Variants in GPHN observed in about 807,000 individuals in gnomAD.
The protein encoded by GPHN is gephyrin.
In GPHN, 17 loss-of-function variants were observed where a neutral mutation model predicts 95.5. The ratio of observed to expected loss-of-function variants is 0.18; its 90% CI spans 0.12 to 0.27. GPHN has a LOEUF of 0.27. Among genes scored for constraint, GPHN ranks in the 10% least tolerant of loss-of-function variants. The pLI, the probability that GPHN is intolerant of heterozygous loss-of-function variation, is 1.00. For missense variants in GPHN, 660 were observed against 978.1 expected (o/e 0.67, Z 4.34); for synonymous variants, 320 against 322.5 (o/e 0.99, Z 0.08).
At chr14:66,999,688 C>T (rs746297300) in intron 9 of GPHN, among the ~76,000 whole-genome samples, 1 of 151,720 alleles carries the variant, frequency 6.6e-6, no homozygotes, top group Non-Finnish European at 1.5e-5. Flanking sequence ...ACGTTTCTAA[C>T]TGATTTTCAA....
intron 9 of GPHN, among the ~76,000 whole-genome samples, chr14:67,007,087 C>T (rs1368423545): frequency 1.3e-5 from 2 of 152,090 alleles, no homozygotes; most frequent in Admixed American, 1.3e-4. Context: ...AATCAGCATC[C>T]TTTATTAGTT....
At chr14:67,642,349 GGGA>G in the GPHN span, 3 of 1,613,836 alleles carry the variant, frequency 1.9e-6, no homozygotes, top group South Asian at 1.1e-5. Flanking sequence ...GTGTCACACT[GGGA>G]GGAGACCACA....
chr14:67,151,015 T>G (rs896842619), intron 18 of GPHN, among the ~76,000 whole-genome samples: 11 of 152,180 alleles, frequency 7.2e-5, no homozygotes, highest in Non-Finnish European at 1.3e-4. Context: ...TATCTAGGAA[T>G]TTTAGAAATA....
the GPHN span, chr14:67,586,317 C>G: frequency 7.7e-7 from 1 of 1,294,324 alleles, no homozygotes; most frequent in Non-Finnish European, 1.1e-6. Flanking sequence ...GGAACTAACT[C>G]TGGCCTAGCT....
chr14:67,398,021 T>C, the GPHN span: 5 of 408,588 alleles, frequency 1.2e-5, no homozygotes, highest in Admixed American at 4.4e-5. Flanking sequence ...TAGTTCCTAT[T>C]TGGCCATTTC....
chr14:67,244,510 G>A, the GPHN span, among the ~76,000 whole-genome samples: 1 of 152,150 alleles, frequency 6.6e-6, no homozygotes, highest in Admixed American at 6.5e-5. Context: ...TACATGAAAT[G>A]AAGTTAACTT....
chr14:66,962,800 C>A (rs1262229534), intron 8 of GPHN, among the ~76,000 whole-genome samples: 3 of 151,644 alleles, frequency 2.0e-5, no homozygotes, highest in Non-Finnish European at 4.4e-5. Flanking sequence ...TTGATACTCA[C>A]CCATCTCGAT....
the GPHN span, among the ~76,000 whole-genome samples, chr14:67,504,954 G>T: frequency 6.6e-6 from 1 of 152,218 alleles, no homozygotes; most frequent in East Asian, 1.9e-4. Flanking sequence ...ATTGTGCATT[G>T]CTGTGTTGCT....
chr14:66,508,364 C>A lies in GPHN; in HGVS notation c.-164C>A. 2.8e-6 allele frequency: 2 copies of A among 705,650 alleles called. No homozygotes were observed. The highest frequency in any genetic ancestry group is 5.1e-6 in the Non-Finnish European group (2 of 394,372). 43.7% of individuals were successfully genotyped at this position (705,650 alleles called of 1,614,324 possible). ...CTCCCGGCGCGGCCTCTCCCCCACG[C>A]AGGCCACCGTGCACTCTGTGGCCTC... On this transcript the variant is annotated 5_prime_UTR_variant, in exon 1 of 23. Transcript: ENST00000478722.
chr14:67,190,700 G>A, the GPHN span, among the ~76,000 whole-genome samples: 3 of 152,172 alleles, frequency 2.0e-5, no homozygotes, highest in Non-Finnish European at 2.9e-5. Flanking sequence ...TGGGCATGGG[G>A]ATATCATTTT....
intron 3 of GPHN, among the ~76,000 whole-genome samples, chr14:66,781,148 A>G (rs762441687): frequency 3.3e-5 from 5 of 152,138 alleles, no homozygotes; most frequent in Non-Finnish European, 7.4e-5. Flanking sequence ...TTAGCCACAT[A>G]AAGAGTGAAT....
chr14:66,546,780 G>C (rs1279625793), intron 1 of GPHN, among the ~76,000 whole-genome samples: 1 of 140,642 alleles, frequency 7.1e-6, no homozygotes, highest in East Asian at 2.4e-4. Flanking sequence ...GGGAGAGGGA[G>C]ACCGTGGGGA....
At chr14:67,446,027 TTTTA>T in the GPHN span, 1 of 517,930 alleles carries the variant, frequency 1.9e-6, no homozygotes, top group Non-Finnish European at 3.9e-6. Context: ...CTTTTGTTCA[TTTTA>T]ATGGCAAGAT....
the GPHN span, among the ~76,000 whole-genome samples, chr14:67,614,600 C>CA: frequency 1.1e-3 from 150 of 140,566 alleles, no homozygotes; most frequent in East Asian, 6.1e-3. Context: ...CCCATCTCTC[C>CA]AAAAAAAAAA....
chr14:66,579,240 A>G (rs1163115166), intron 1 of GPHN, among the ~76,000 whole-genome samples: 2 of 151,876 alleles, frequency 1.3e-5, no homozygotes, highest in Non-Finnish European at 3.0e-5. Flanking sequence ...GCATACCACA[A>G]CAGAGAATCA....
chr14:66,958,393 G>A (rs2068675036), intron 8 of GPHN, among the ~76,000 whole-genome samples: 1 of 152,066 alleles, frequency 6.6e-6, no homozygotes, highest in Non-Finnish European at 1.5e-5. Flanking sequence ...TGAATCTCTT[G>A]TAGATAGCAT....
At chr14:67,728,159 G>C in the GPHN span, 2 of 152,172 alleles carry the variant, frequency 1.3e-5, no homozygotes, top group African/African-American at 4.8e-5. Flanking sequence ...GGATCTAGGG[G>C]TCCATTTGTT....
At chr14:67,410,587 T>G in the GPHN span, among the ~76,000 whole-genome samples, 1 of 152,232 alleles carries the variant, frequency 6.6e-6, no homozygotes, top group Non-Finnish European at 1.5e-5. Context: ...CCTTGCTTAC[T>G]GTTTACAGCA....
chr14:66,840,837 G>A (rs1021160282), intron 4 of GPHN, among the ~76,000 whole-genome samples: 6 of 150,930 alleles, frequency 4.0e-5, no homozygotes, highest in South Asian at 2.1e-4. Context: ...GTACACTGGC[G>A]TCTGCTCTGT....
Sources: allele counts gnomAD v4.1 joint callset (sites outside exome capture counted in the v4.1 genomes callset), GRCh38; gene constraint gnomAD v4.1.1; transcripts MANE v1.5; gene names NCBI Gene and HGNC (gene_info 2026-07-23, HGNC 2026-07-21).